The following UPF1 variants were observed in gnomAD, a reference collection of about 807,000 sequenced individuals.
The protein encoded by UPF1 is UPF1 RNA helicase and ATPase.
Under a neutral mutation model 129.2 loss-of-function variants are expected in UPF1, and 9 were observed. The ratio of observed to expected loss-of-function variants is 0.07; its 90% CI spans 0.04 to 0.12. The LOEUF (loss-of-function observed/expected upper bound fraction) is 0.12, where lower values mean the gene tolerates loss of function less well. UPF1 is among the 10% of genes least tolerant of loss of function. The probability of loss-of-function intolerance (pLI) is 1.00; values close to 1 mark genes in which losing one functional copy is unlikely to be tolerated. For synonymous variants in UPF1, 649 were observed against 644.9 expected, an observed-to-expected ratio of 1.01 and a Z score of -0.10; for missense variants, 788 against 1,525.3, an observed-to-expected ratio of 0.52 and a Z score of 8.05.
At chr19:18,835,180 A>G (rs530807200) in intron 1 of UPF1, among the ~76,000 whole-genome samples, 1 of 152,288 alleles carries the variant, frequency 6.6e-6, no homozygotes, top group East Asian at 1.9e-4. Context: ...TTTCACATCA[A>G]CGGAATCATA....
intron 11 of UPF1, 160 bp downstream of exon 11, chr19:18,855,402 T>C: frequency 1.3e-6 from 1 of 773,028 alleles, no homozygotes; most frequent in East Asian, 2.7e-5. Flanking sequence ...ACATTATTCG[T>C]GTCAGCTCCA....
intron 1 of UPF1, among the ~76,000 whole-genome samples, chr19:18,842,846 G>T (rs35262201): frequency 0.014 from 2,198 of 152,112 alleles, 25 homozygotes; most frequent in Non-Finnish European, 0.022. Flanking sequence ...CTAAAAATAG[G>T]CGTGGTGGCG....
At chr19:18,854,045 G>A (rs1213299537) in intron 8 of UPF1, among the ~76,000 whole-genome samples, 3 of 152,208 alleles carry the variant, frequency 2.0e-5, no homozygotes, top group African/African-American at 7.2e-5. Flanking sequence ...ACCGGTTTTG[G>A]GGCTCGGGGT....
intron 13 of UPF1, 85 bp from the exon 14 acceptor site, chr19:18,856,791 AG>A: frequency 6.7e-7 from 1 of 1,494,062 alleles, no homozygotes; most frequent in Non-Finnish European, 8.9e-7. Flanking sequence ...GAAACAGGAG[AG>A]CTTCTGTGTT....
intron 12 of UPF1, 24 bp from the exon 13 acceptor site, chr19:18,856,162 C>A: frequency 6.2e-7 from 1 of 1,604,554 alleles, no homozygotes; most frequent in Non-Finnish European, 8.5e-7. Flanking sequence ...CTCAGGCACC[C>A]TGCTGACCTG....
At chr19:18,837,459 G>A (rs2145931835) in intron 1 of UPF1, among the ~76,000 whole-genome samples, 1 of 152,336 alleles carries the variant, frequency 6.6e-6, no homozygotes, top group East Asian at 1.9e-4. Context: ...TGTGTACGCA[G>A]GGCTGCGCCA....
intron 17 of UPF1, 22 bp downstream of exon 17, chr19:18,861,004 A>C: frequency 1.3e-6 from 2 of 1,556,606 alleles, no homozygotes; most frequent in Non-Finnish European, 1.7e-6. Context: ...CCTCGGGCAC[A>C]CTTGGTCTCC....
intron 13 of UPF1, among the ~76,000 whole-genome samples, 180 bp from the exon 14 acceptor site, chr19:18,856,697 T>C (rs912960254): frequency 3.3e-5 from 5 of 152,222 alleles, no homozygotes; most frequent in South Asian, 4.1e-4. Flanking sequence ...TTTAAGGATC[T>C]TAAAAGTTTG....
chr19:18,838,597 G>C (rs1004741742), intron 1 of UPF1, among the ~76,000 whole-genome samples: 19 of 151,876 alleles, frequency 1.3e-4, no homozygotes, highest in African/African-American at 4.6e-4. Flanking sequence ...GCGGTGAGCT[G>C]AGATTGTGCC....
At position 18,856,001 on chromosome 19, in the gene UPF1, G is replaced by A. The variant is rs765594759; in HGVS notation, c.1621G>A (p.Val541Ile). 6.2e-7 allele frequency: 1 copy of A among 1,613,996 alleles called. No individual in the cohort carries two copies. The highest frequency in any genetic ancestry group is 2.2e-5 in the East Asian group (1 of 44,892). The change falls in exon 12 of 24, where the codon GTC (valine) becomes ATC (isoleucine). Residue 541 changes from valine (V) to isoleucine (I), a missense_variant. Val to Ile is a conservative substitution (Grantham distance 29). Around this residue, in one of 6 missense-constraint regions of UPF1, gnomAD observed 91 missense variants for 157.2 expected, o/e 0.58. Coordinates refer to ENST00000262803, the MANE Select transcript of UPF1 (RefSeq NM_002911.4). ...TEKIHQTGLK[V>I]VRLCAKSREA... The stretch of plus-strand genomic sequence containing the variant: ...GAAGATCCACCAGACGGGGCTAAAG[G>A]TCGTGCGCCTCTGCGCCAAGAGCCG...
chr19:18,846,851 A>G (rs2055605905), intron 2 of UPF1, among the ~76,000 whole-genome samples: 1 of 152,154 alleles, frequency 6.6e-6, no homozygotes, highest in Non-Finnish European at 1.5e-5. Context: ...TTAGCCAAGC[A>G]TGGTGGCGGG....
Position 18,854,954 on chromosome 19 carries a change from C to T in UPF1, c.1341C>T (p.Gly447=). 6.2e-7 allele frequency: 1 copy of T among 1,614,240 alleles called. No homozygotes were observed. Among genetic ancestry groups the T allele is most frequent in the Non-Finnish European group, 8.5e-7 (1 of 1,180,054 alleles). ...VSGYIYHKLL[G]HEVEDVIIKC... Reference sequence around the variant, plus strand: ...GCTACATCTACCACAAGCTGTTGGGCCACGAGGTGGAGGACGTAATCATCA... The same window carrying T: ...GCTACATCTACCACAAGCTGTTGGGTCACGAGGTGGAGGACGTAATCATCA... Residue 447 remains glycine (G), a synonymous_variant, in exon 10 of 24, where the codon GGC becomes GGT. Coordinates refer to ENST00000262803, the MANE Select transcript of UPF1 (RefSeq NM_002911.4).
At chr19:18,854,539 A>T in intron 8 of UPF1, 62 bp from the exon 9 acceptor site, 1 of 1,346,864 alleles carries the variant, frequency 7.4e-7, no homozygotes, top group Admixed American at 1.9e-5. Flanking sequence ...GCGTGTACCA[A>T]GGGTGGCCCA....
rs2055616655 is a variant in UPF1, at chr19:18,847,814, C to T, written c.442C>T (p.Arg148Cys). The T allele has an allele frequency of 1.2e-6, 2 of 1,614,000 alleles. No homozygotes were observed. The highest frequency in any genetic ancestry group is 1.7e-6 in the Non-Finnish European group (2 of 1,180,028). The change falls in exon 3 of 24, where the codon CGT (arginine) becomes TGT (cysteine). Residue 148 changes from arginine to cysteine, a missense_variant. This residue lies in a region of UPF1 where 227 missense variants were observed against 517.9 expected (regional missense o/e 0.44). Coordinates refer to ENST00000262803, the MANE Select transcript of UPF1 (RefSeq NM_002911.4). ...CAGCAAGAAGTGGTTCTGCAACGGA[C>T]GTGGAAATACTTCTGGCAGGTAGAT... ...NTSKKWFCNG[R>C]GNTSGSHIVN... is the part of the protein sequence containing the mutation.
chr19:18,836,572 CTT>C (rs754606650), intron 1 of UPF1, among the ~76,000 whole-genome samples: 2 of 152,112 alleles, frequency 1.3e-5, no homozygotes, highest in Non-Finnish European at 2.9e-5. Flanking sequence ...GCACAGGAAA[CTT>C]GGGGGTAATG....
At chr19:18,848,755 G>A (rs1038553242) in intron 3 of UPF1, among the ~76,000 whole-genome samples, 15 of 152,132 alleles carry the variant, frequency 9.9e-5, no homozygotes, top group African/African-American at 3.6e-4. Flanking sequence ...CCAGAAAGGG[G>A]CTGCTGTTTT....
At chr19:18,862,198 T>C in intron 18 of UPF1, 46 bp downstream of exon 18, 1 of 1,600,730 alleles carries the variant, frequency 6.2e-7, no homozygotes, top group Non-Finnish European at 8.5e-7. Context: ...TCATCGGTCC[T>C]CACTTCCCAG....
chr19:18,853,464 T>C lies in UPF1; in HGVS notation c.1156+114T>C. On this transcript the variant is annotated intron_variant, in intron 8 of 23. Transcript: ENST00000262803. This position sits in a 1 kb window ranked among gnomAD's most constrained non-coding sequence, Gnocchi z 4.4. ...TGCTGGGCCAGCATCTCATGCTCTG[T>C]GGTGGGTGCTGGTTGGCATCGCCCT... The C allele has an allele frequency of 9.6e-7, 1 of 1,042,744 alleles. No homozygotes were observed. The highest frequency in any genetic ancestry group is 1.7e-5 in the South Asian group (1 of 59,346). The allele number at this position is 1,042,744 out of a possible 1,614,324, so 64.6% of individuals were successfully genotyped here. A position where few individuals can be genotyped will look rare whatever the true frequency, so the allele number is the denominator to read the frequency against.
rs2055713907 is a variant in UPF1, at chr19:18,856,044, C to T, written c.1664C>T (p.Pro555Leu). The T allele has an allele frequency of 1.2e-6, 2 of 1,614,088 alleles. No homozygotes were observed. The highest frequency in any genetic ancestry group is 1.7e-6 in the Non-Finnish European group (2 of 1,180,028). Reference protein sequence around the residue: ...CAKSREAIDSPVSFLALHNQI... With the variant: ...CAKSREAIDSLVSFLALHNQI... ...AAGAGCCGTGAGGCCATCGACTCCC[C>T]GGTGTCTTTTCTGGCCCTGCACAAC... Residue 555 changes from proline (P) to leucine (L), a missense_variant, in exon 12 of 24, where the codon CCG becomes CTG. Physicochemically the swap from Pro to Leu is moderately conservative, Grantham distance 98. Around this residue, in one of 6 missense-constraint regions of UPF1, gnomAD observed 91 missense variants for 157.2 expected, o/e 0.58. Coordinates refer to ENST00000262803, the MANE Select transcript of UPF1 (RefSeq NM_002911.4).
Sources: gnomAD v4.1 joint callset for allele counts (sites outside exome capture counted in the v4.1 genomes callset) on GRCh38, gnomAD v4.1.1 for gene constraint, gnomAD v4.1.1 regional missense constraint, Gnocchi (gnomAD v3.1) non-coding constraint, MANE v1.5 for transcripts, NCBI Gene and HGNC (gene_info 2026-07-23, HGNC 2026-07-21) for gene names.